RCC2: variants seen among roughly 807,000 people sequenced by gnomAD.
The protein encoded by RCC2 is protein RCC2.
Under a neutral mutation model 64.1 loss-of-function variants are expected in RCC2, and 19 were observed. That is an observed-to-expected ratio of 0.30 (90% CI 0.21 to 0.44). The LOEUF is 0.44. RCC2 is among the 20% of genes least tolerant of loss of function. RCC2 has a pLI of 1.00. For missense variants in RCC2, 508 were observed against 710.4 expected (o/e 0.72, Z 3.24); for synonymous variants, 325 against 279.6 (o/e 1.16, Z -1.62).
chr1:17,430,241 G>T (rs931233810), intron 2 of RCC2, among the ~76,000 whole-genome samples: 6 of 152,206 alleles, frequency 3.9e-5, no homozygotes, highest in Admixed American at 2.0e-4. Flanking sequence ...GTCTGGCAAG[G>T]CGCAATGGCT....
chr1:17,412,032 T>C, intron 11 of RCC2, 90 bp downstream of exon 11: 1 of 1,124,320 alleles, frequency 8.9e-7, no homozygotes, highest in South Asian at 1.3e-5. Context: ...TTCTTCTGTG[T>C]GTTTTGGGAG....
chr1:17,413,712 G>A lies in RCC2; in HGVS notation c.1032C>T (p.Val344=), dbSNP rs745720433. ...AGAAGACTCGCTTCTGGGAGTCCAG[G>A]ACCAGCTGCAAGGAAAGAAAACACA... is the stretch of plus-strand genomic sequence containing the variant. ...DVACGANHTL[V]LDSQKRVFSW... The change falls in exon 9 of 13, where the codon GTC becomes GTT. Residue 344 remains valine (V), a synonymous_variant. Coordinates refer to ENST00000375436, the MANE Select transcript of RCC2 (RefSeq NM_018715.4). 8 of 1,607,838 alleles carry A rather than the reference G, an allele frequency of 5.0e-6. No homozygotes were observed. The highest frequency in any genetic ancestry group is 2.2e-5 in the East Asian group (1 of 44,808).
intron 3 of RCC2, among the ~76,000 whole-genome samples, chr1:17,427,043 G>C (rs934202555): frequency 6.6e-6 from 1 of 152,158 alleles, no homozygotes; most frequent in Non-Finnish European, 1.5e-5. Context: ...TTACAGGCGT[G>C]AGCCACCATG....
chr1:17,433,850 C>CG (rs983609814), intron 2 of RCC2, among the ~76,000 whole-genome samples: 12 of 152,196 alleles, frequency 7.9e-5, no homozygotes, highest in African/African-American at 2.6e-4. Flanking sequence ...GTAAGACCCC[C>CG]GGGAACAATG....
At chr1:17,437,530 G>A (rs965312898) in intron 2 of RCC2, among the ~76,000 whole-genome samples, 48 of 152,252 alleles carry the variant, frequency 3.2e-4, no homozygotes, top group African/African-American at 9.1e-4. Context: ...GCCCGCCCAG[G>A]ACCCTAGGAG....
Position 17,413,054 on chromosome 1 carries a change from A to C in RCC2, c.1313+19T>G. On this transcript the variant is annotated intron_variant, in intron 10 of 12. Coordinates refer to ENST00000375436, the MANE Select transcript of RCC2 (RefSeq NM_018715.4). ...TGAAAGGAAGAGACCTCATACCCAC[A>C]GGAGATGCTGCCACCTACCCACAAG... The C allele has an allele frequency of 6.4e-7, 1 of 1,572,638 alleles. No individual in the cohort carries two copies. Among genetic ancestry groups the C allele is most frequent in the Non-Finnish European group, 8.7e-7 (1 of 1,143,382 alleles).
chr1:17,420,862 T>A (rs1262071816), intron 6 of RCC2, 34 bp from the exon 7 acceptor site: 2 of 1,388,408 alleles, frequency 1.4e-6, no homozygotes, highest in Non-Finnish European at 2.0e-6. Context: ...TTCATTTTTT[T>A]TAAAGACTGA....
At chr1:17,422,055 C>G in intron 6 of RCC2, 148 bp downstream of exon 6, 1 of 535,732 alleles carries the variant, frequency 1.9e-6, no homozygotes. Context: ...AAAAAACAAA[C>G]AAAAAAACTC....
intron 2 of RCC2, among the ~76,000 whole-genome samples, chr1:17,434,567 GA>G (rs1402885597): frequency 2.0e-5 from 3 of 152,042 alleles, no homozygotes; most frequent in Non-Finnish European, 4.4e-5. Flanking sequence ...TAAATTAATC[GA>G]CCCCAAAGAG....
intron 1 of RCC2, 57 bp downstream of exon 1, chr1:17,439,484 GAAAA>G (rs1056796264): frequency 2.3e-5 from 3 of 132,354 alleles, no homozygotes; most frequent in African/African-American, 5.5e-5. Context: ...TTAAAAAAAG[GAAAA>G]AAAAAAAAAC....
intron 2 of RCC2, among the ~76,000 whole-genome samples, chr1:17,433,197 G>A (rs777638557): frequency 2.0e-5 from 3 of 152,186 alleles, no homozygotes; most frequent in Admixed American, 2.0e-4. Context: ...ACATTAGATG[G>A]AGGTTAGTGT....
chr1:17,413,597 C>G lies in RCC2; in HGVS notation c.1147G>C (p.Gly383Arg). Residue 383 changes from glycine (G) to arginine (R), a missense_variant, in exon 9 of 13, where the codon GGG becomes CGG. Transcript: ENST00000375436. ...GCATAGATCTGGGAAGCCCCACGCCCAGGGAAGTCAAACAGCTTCACCAGG... is the reference window on the plus strand; with the variant it reads ...GCATAGATCTGGGAAGCCCCACGCCGAGGGAAGTCAAACAGCTTCACCAGG... ...PRLVKLFDFP[G>R]RGASQIYAGY... 1 of 1,614,124 alleles carries G rather than the reference C, an allele frequency of 6.2e-7. No homozygotes were observed. Among genetic ancestry groups the G allele is most frequent in the East Asian group, 2.2e-5 (1 of 44,882 alleles).
At position 17,413,116 on chromosome 1, in the gene RCC2, C is replaced by T. The variant is rs1250680574; in HGVS notation, c.1270G>A (p.Val424Met). ...ATTCTCCAGCCGCAGAGGTCCTGCACTGCTTTTGGGTACATGGTAGATTCA... is the reference window on the plus strand; with the variant it reads ...ATTCTCCAGCCGCAGAGGTCCTGCATTGCTTTTGGGTACATGGTAGATTCA... ...SRESTMYPKA[V>M]QDLCGWRIRS... The change falls in exon 10 of 13, where the codon GTG (valine) becomes ATG (methionine). Residue 424 changes from valine to methionine, a missense_variant. Val to Met is a conservative substitution (Grantham distance 21). Coordinates refer to ENST00000375436, the MANE Select transcript of RCC2 (RefSeq NM_018715.4). 6.2e-7 allele frequency: 1 copy of T among 1,614,198 alleles called. No homozygotes were observed. The highest frequency in any genetic ancestry group is 2.2e-5 in the East Asian group (1 of 44,888).
At chr1:17,410,574 T>C (rs973065504) in intron 11 of RCC2, among the ~76,000 whole-genome samples, 21 of 152,180 alleles carry the variant, frequency 1.4e-4, no homozygotes, top group African/African-American at 4.3e-4. Context: ...AGGAACTGGA[T>C]GAATTGGCGC....
chr1:17,437,624 G>C (rs906428099), intron 2 of RCC2, among the ~76,000 whole-genome samples: 1 of 4,628 alleles, frequency 2.2e-4, no homozygotes, highest in Non-Finnish European at 5.8e-4. Context: ...CAAAGCCCGA[G>C]CACCGCTCAG....
rs1406092851 is a variant in RCC2 at position 17,418,874 on chromosome 1, GTGGATAC to G, written c.859+1833_859+1839del. ...AGTCCTTTTATTTGCTATCGACACA[GTGGATAC>G]TGAACAGACACAACTCCCAGACAGG... On this transcript the variant is annotated intron_variant, in intron 7 of 12. Coordinates refer to ENST00000375436, the MANE Select transcript of RCC2 (RefSeq NM_018715.4). Among the ~76,000 whole-genome samples, 2 of 152,202 alleles carry G rather than the reference GTGGATAC, an allele frequency of 1.3e-5. 1 individual carries two copies. The highest frequency in any genetic ancestry group is 3.8e-4 in the East Asian group (2 of 5,196).
intron 11 of RCC2, among the ~76,000 whole-genome samples, chr1:17,410,853 A>G (rs1457322960): frequency 6.6e-6 from 1 of 152,164 alleles, no homozygotes; most frequent in African/African-American, 2.4e-5. Context: ...TCTAGTTTCA[A>G]AATTTATATT....
rs756625550 is a variant in RCC2 at position 17,413,517 on chromosome 1, A to G, written c.1207+20T>C. ...TTCCGCACCAGAGCACTGATAAGCC[A>G]GGGGGCAGAAATCACTAACCCACTT... On this transcript the variant is annotated intron_variant, in intron 9 of 12. Coordinates refer to ENST00000375436, the MANE Select transcript of RCC2 (RefSeq NM_018715.4). The G allele has an allele frequency of 1.9e-6, 3 of 1,613,120 alleles. No homozygotes were observed. The highest frequency in any genetic ancestry group is 2.5e-6 in the Non-Finnish European group (3 of 1,179,114).
intron 12 of RCC2, among the ~76,000 whole-genome samples, chr1:17,409,584 G>A (rs1348991297): frequency 1.3e-5 from 2 of 152,198 alleles, no homozygotes; most frequent in East Asian, 1.9e-4. Flanking sequence ...TGACTGAGCC[G>A]CAGGGGCCTC....
Sources: gnomAD v4.1 joint callset for allele counts (sites outside exome capture counted in the v4.1 genomes callset) on GRCh38, gnomAD v4.1.1 for gene constraint, MANE v1.5 for transcripts, NCBI Gene and HGNC (gene_info 2026-07-23, HGNC 2026-07-21) for gene names.